The following CTNND2 variants were observed in gnomAD, a reference collection of about 807,000 sequenced individuals.
The protein encoded by CTNND2 is catenin delta-2.
Under a neutral mutation model 144.4 loss-of-function variants are expected in CTNND2, and 22 were observed. That is an observed-to-expected ratio of 0.15 (90% confidence interval 0.11 to 0.22). The LOEUF is 0.22. Among genes scored for constraint, CTNND2 ranks in the 10% least tolerant of loss-of-function variants. The pLI is 1.00. For missense variants in CTNND2, 1,353 were observed against 1,618.8 expected, an observed-to-expected ratio of 0.84 and a Z score of 2.82; for synonymous variants, 751 against 695.6, an observed-to-expected ratio of 1.08 and a Z score of -1.25.
chr5:11,672,036 C>T (rs998871563), intron 2 of CTNND2, among the ~76,000 whole-genome samples: 4 of 152,252 alleles, frequency 2.6e-5, no homozygotes, highest in East Asian at 3.9e-4. Context: ...ACAGTGAAGC[C>T]GCTCTGAGGC....
intron 16 of CTNND2, among the ~76,000 whole-genome samples, chr5:11,044,075 G>C (rs1458847587): frequency 1.3e-5 from 2 of 152,204 alleles, no homozygotes; most frequent in Non-Finnish European, 2.9e-5. Flanking sequence ...GTTGTACAGC[G>C]GGGTAGCAGC....
chr5:11,602,921 C>T (rs763640888), intron 2 of CTNND2, among the ~76,000 whole-genome samples: 7 of 148,146 alleles, frequency 4.7e-5, no homozygotes, highest in Non-Finnish European at 8.9e-5. Context: ...TTCTCCTGTG[C>T]CTAAAATTGA....
intron 2 of CTNND2, among the ~76,000 whole-genome samples, chr5:11,613,237 T>C (rs185335176): frequency 2.3e-3 from 345 of 152,338 alleles, no homozygotes; most frequent in Non-Finnish European, 4.2e-3. Flanking sequence ...GCAAGTAGCT[T>C]GGATAAGTAA....
intron 3 of CTNND2, among the ~76,000 whole-genome samples, chr5:11,415,642 A>T (rs1166563521): frequency 6.6e-6 from 1 of 152,114 alleles, no homozygotes; most frequent in Admixed American, 6.6e-5. Context: ...AATTTTTAAA[A>T]ATTTGTGCAA....
At chr5:11,798,645 TA>T in intron 1 of CTNND2, among the ~76,000 whole-genome samples, 1 of 152,096 alleles carries the variant, frequency 6.6e-6, no homozygotes, top group East Asian at 1.9e-4. Context: ...TGCGTGCCTG[TA>T]ATGGCAGCTA....
intron 2 of CTNND2, among the ~76,000 whole-genome samples, chr5:11,590,079 T>C (rs563353756): frequency 4.0e-5 from 6 of 150,502 alleles, no homozygotes; most frequent in African/African-American, 1.5e-4. Context: ...GGAATCTTGC[T>C]CTGTTCCCCA....
intron 12 of CTNND2, among the ~76,000 whole-genome samples, chr5:11,125,589 G>C (rs1014056655): frequency 2.6e-5 from 4 of 152,204 alleles, no homozygotes; most frequent in African/African-American, 9.6e-5. Context: ...TGCTCCACCA[G>C]AGACCTCCCA....
chr5:11,128,795 T>TTA (rs1463213516), intron 12 of CTNND2, among the ~76,000 whole-genome samples: 1 of 61,546 alleles, frequency 1.6e-5, no homozygotes, highest in African/African-American at 7.7e-5. Flanking sequence ...TAAATATATA[T>TTA]TATATATATA....
rs113342712 is a variant in CTNND2 at position 11,750,149 on chromosome 5, C to G, written c.38-17877G>C. On this transcript the variant is annotated intron_variant, in intron 1 of 21. Coordinates refer to ENST00000304623, the MANE Select transcript of CTNND2 (RefSeq NM_001332.4). The stretch of plus-strand genomic sequence containing the variant: ...TTAATTTTACCTTGATAGATACTAG[C>G]GCTGCTGACTGACTTTCCATTTTTC... Among the ~76,000 whole-genome samples the G allele has an allele frequency of 3.6e-3, 545 of 152,026 alleles. 3 individuals carry two copies. Among genetic ancestry groups the G allele is most frequent in the South Asian group, 6.8e-3 (33 of 4,820 alleles).
chr5:10,994,435 T>G (rs1293531815), intron 18 of CTNND2, among the ~76,000 whole-genome samples: 1,232 of 14,300 alleles, frequency 0.086, no homozygotes, highest in African/African-American at 0.1. Context: ...AGGAAAGGGG[T>G]GGGGAAAGAG....
chr5:11,275,145 A>G (rs1374326228), intron 9 of CTNND2, among the ~76,000 whole-genome samples: 6 of 152,180 alleles, frequency 3.9e-5, no homozygotes, highest in Admixed American at 3.3e-4. Flanking sequence ...CAAGCGATTT[A>G]TGTATAAATC....
At chr5:11,784,353 C>T (rs968579647) in intron 1 of CTNND2, among the ~76,000 whole-genome samples, 1 of 152,160 alleles carries the variant, frequency 6.6e-6, no homozygotes, top group Non-Finnish European at 1.5e-5. Flanking sequence ...CAGGATCTGT[C>T]ACATATTCAT....
At chr5:11,206,397 T>C (rs117300469) in intron 10 of CTNND2, among the ~76,000 whole-genome samples, 64 of 152,322 alleles carry the variant, frequency 4.2e-4, no homozygotes, top group East Asian at 4.0e-3. Flanking sequence ...GAGTTTCAAC[T>C]TTACTCATTA....
intron 12 of CTNND2, among the ~76,000 whole-genome samples, chr5:11,129,311 TAAA>T (rs1227381204): frequency 1.1e-4 from 8 of 72,122 alleles, no homozygotes; most frequent in African/African-American, 5.9e-4. Flanking sequence ...ATTATATATA[TAAA>T]TATATATAAT....
intron 16 of CTNND2, among the ~76,000 whole-genome samples, chr5:11,063,315 G>A (rs888446698): frequency 2.6e-5 from 4 of 151,856 alleles, no homozygotes; most frequent in Non-Finnish European, 5.9e-5. Context: ...TCATCCATCT[G>A]GTGAATGCAT....
intron 1 of CTNND2, among the ~76,000 whole-genome samples, chr5:11,837,242 A>C (rs1283597830): frequency 6.6e-6 from 1 of 152,214 alleles, no homozygotes; most frequent in Non-Finnish European, 1.5e-5. Context: ...TGGTGAATGG[A>C]GGGAAAGAAT....
At chr5:11,745,481 C>A (rs1788259540) in intron 1 of CTNND2, among the ~76,000 whole-genome samples, 1 of 152,214 alleles carries the variant, frequency 6.6e-6, no homozygotes, top group Admixed American at 6.5e-5. Flanking sequence ...CCAGACCTCT[C>A]TTTGGCAAAG....
chr5:11,652,121 A>T (rs1021659773), intron 2 of CTNND2, among the ~76,000 whole-genome samples: 1 of 152,098 alleles, frequency 6.6e-6, no homozygotes, highest in Non-Finnish European at 1.5e-5. Context: ...GTAATCCCCA[A>T]TGTTGGAGGT....
At chr5:11,879,341 G>GTGTGTGTATATATATA in intron 1 of CTNND2, among the ~76,000 whole-genome samples, 1 of 109,338 alleles carries the variant, frequency 9.1e-6, no homozygotes, top group African/African-American at 3.0e-5. Flanking sequence ...TTAAATGTGT[G>GTGTGTGTATATATATA]TATATATATA....
Sources: allele counts gnomAD v4.1 joint callset (sites outside exome capture counted in the v4.1 genomes callset), GRCh38; gene constraint gnomAD v4.1.1; transcripts MANE v1.5; gene names NCBI Gene and HGNC (gene_info 2026-07-23, HGNC 2026-07-21).